Variants in CALCR observed in about 807,000 individuals in gnomAD.
CALCR encodes the protein calcitonin receptor.
In CALCR, 47 loss-of-function variants were observed where a neutral mutation model predicts 59.5. That is an observed-to-expected ratio of 0.79 (90% CI 0.63 to 1.01). The LOEUF (loss-of-function observed/expected upper bound fraction) is 1.01. Ranked by LOEUF, CALCR falls within the 50% of genes least tolerant of loss-of-function variation. The pLI is 0.00. For synonymous variants in CALCR, 213 were observed against 211.3 expected (o/e 1.01, Z -0.07); for missense variants, 566 against 597.1 (o/e 0.95, Z 0.54).
chr7:93,435,594 G>A (rs550650105), intron 12 of CALCR, among the ~76,000 whole-genome samples: 21 of 152,132 alleles, frequency 1.4e-4, no homozygotes, highest in Admixed American at 9.8e-4. Flanking sequence ...GAATACCTGA[G>A]GTCAGGAGTT....
intron 2 of CALCR, among the ~76,000 whole-genome samples, chr7:93,571,324 A>C (rs1275962371): frequency 6.6e-6 from 1 of 152,160 alleles, no homozygotes; most frequent in Non-Finnish European, 1.5e-5. Context: ...GATATGACTT[A>C]TTTGTCTATG....
intron 2 of CALCR, among the ~76,000 whole-genome samples, chr7:93,528,908 G>T (rs1160827306): frequency 6.6e-6 from 1 of 152,112 alleles, no homozygotes; most frequent in Non-Finnish European, 1.5e-5. Flanking sequence ...TGTGAGAAAA[G>T]AATTTGGCTT....
chr7:93,429,914 GT>G lies in CALCR; in HGVS notation c.1192-3326del, dbSNP rs1265452842. Among the ~76,000 whole-genome samples the G allele has an allele frequency of 1.5e-3, 141 of 91,822 alleles. 2 individuals carry two copies. In the East Asian group the frequency reaches 0.052, roughly 34 times the overall value. 60.2% of individuals were successfully genotyped at this position (91,822 alleles called of 152,430 possible). On this transcript the variant is annotated intron_variant, in intron 13 of 13. Coordinates refer to ENST00000426151, the MANE Select transcript of CALCR (RefSeq NM_001742.4). ...AAAAAGTAATTGCACACTTTAGACG[GT>G]TTTTTTTTTTGTTTGTTTGTTTTTT...
At chr7:93,527,604 C>T (rs904729098) in intron 2 of CALCR, among the ~76,000 whole-genome samples, 20 of 152,084 alleles carry the variant, frequency 1.3e-4, no homozygotes, top group African/African-American at 4.8e-4. Context: ...GAGTTAGCAG[C>T]CATTTTAGCA....
chr7:93,433,267 A>G (rs1479435891), intron 13 of CALCR, among the ~76,000 whole-genome samples: 1 of 152,218 alleles, frequency 6.6e-6, no homozygotes, highest in Non-Finnish European at 1.5e-5. Context: ...ACTAATAGGA[A>G]AGTAATATAT....
chr7:93,546,554 C>A (rs559307903), intron 2 of CALCR, among the ~76,000 whole-genome samples: 365 of 151,392 alleles, frequency 2.4e-3, no homozygotes, highest in African/African-American at 8.6e-3. Flanking sequence ...GAGTGAGTGA[C>A]TTTTTGTTTT....
At chr7:93,570,011 C>A (rs951288851) in intron 2 of CALCR, among the ~76,000 whole-genome samples, 2 of 151,640 alleles carry the variant, frequency 1.3e-5, no homozygotes, top group Non-Finnish European at 2.9e-5. Flanking sequence ...GGTTGACATG[C>A]AAGGGCACAG....
chr7:93,460,774 C>A, intron 8 of CALCR, 47 bp downstream of exon 8: 1 of 1,449,572 alleles, frequency 6.9e-7, no homozygotes, highest in East Asian at 2.4e-5. Context: ...TTTACAGGTA[C>A]TATATCCTTT....
chr7:93,479,776 G>T (rs1414621371), intron 3 of CALCR, among the ~76,000 whole-genome samples: 9 of 151,634 alleles, frequency 5.9e-5, no homozygotes, highest in Non-Finnish European at 2.9e-5. Context: ...CTCTTTATCA[G>T]CTAGGATTGT....
chr7:93,440,212 T>C (rs1355287300), intron 9 of CALCR, among the ~76,000 whole-genome samples: 1 of 152,116 alleles, frequency 6.6e-6, no homozygotes, highest in Non-Finnish European at 1.5e-5. Flanking sequence ...AGTATGTAGG[T>C]TTTGCTTCTT....
chr7:93,464,718 A>G (rs1401120110), intron 7 of CALCR, among the ~76,000 whole-genome samples: 1 of 152,068 alleles, frequency 6.6e-6, no homozygotes, highest in East Asian at 1.9e-4. Flanking sequence ...TATGATCAAC[A>G]GTTATCTTTG....
chr7:93,537,118 A>G, intron 2 of CALCR, among the ~76,000 whole-genome samples: 1 of 151,830 alleles, frequency 6.6e-6, no homozygotes, highest in Non-Finnish European at 1.5e-5. Context: ...CAAAAAGAAA[A>G]AAAAACCAAT....
chr7:93,499,595 G>C (rs569342483), intron 2 of CALCR, among the ~76,000 whole-genome samples: 1 of 151,806 alleles, frequency 6.6e-6, no homozygotes, highest in Non-Finnish European at 1.5e-5. Context: ...AAATGTTGCA[G>C]ACTTATCAGC....
intron 5 of CALCR, among the ~76,000 whole-genome samples, chr7:93,473,429 C>G (rs764570237): frequency 1.3e-5 from 2 of 151,726 alleles, no homozygotes; most frequent in Non-Finnish European, 2.9e-5. Context: ...AATTAAGCCT[C>G]TTATTTCTGT....
intron 8 of CALCR, among the ~76,000 whole-genome samples, chr7:93,459,176 G>A (rs2115797087): frequency 6.6e-6 from 1 of 152,252 alleles, no homozygotes; most frequent in Middle Eastern, 3.4e-3. Flanking sequence ...GCACCAAAGT[G>A]ATTTGATTTT....
intron 3 of CALCR, among the ~76,000 whole-genome samples, chr7:93,483,560 AT>A (rs1291012900): frequency 6.6e-6 from 1 of 150,986 alleles, no homozygotes; most frequent in Non-Finnish European, 1.5e-5. Context: ...CTGCTTAAAA[AT>A]AACACATATA....
rs1800489591 is a variant in CALCR at position 93,468,714 on chromosome 7, C to T, written c.521+1G>A. The stretch of plus-strand genomic sequence containing the variant: ...AGAGCAGATGCTGTGAGTGTACTTA[C>T]CTGAAAAACACGAAAATCCCCAGGG... On this transcript the variant is annotated splice_donor_variant, in intron 7 of 13. Coordinates refer to ENST00000426151, the MANE Select transcript of CALCR (RefSeq NM_001742.4). LOFTEE classifies it high-confidence loss of function. 1 of 1,600,494 alleles carries T rather than the reference C, an allele frequency of 6.2e-7. No homozygotes were observed. Among genetic ancestry groups the T allele is most frequent in the Non-Finnish European group, 8.6e-7 (1 of 1,169,206 alleles).
At chr7:93,513,464 C>T (rs1801590790) in intron 2 of CALCR, among the ~76,000 whole-genome samples, 1 of 151,952 alleles carries the variant, frequency 6.6e-6, no homozygotes, top group Non-Finnish European at 1.5e-5. Context: ...TTTATATTTC[C>T]ATTTATTTGA....
intron 2 of CALCR, among the ~76,000 whole-genome samples, chr7:93,519,937 A>C (rs2116082905): frequency 6.6e-6 from 1 of 151,966 alleles, no homozygotes; most frequent in Admixed American, 6.6e-5. Flanking sequence ...AGTCAATTAA[A>C]CCTCTTTCCT....
Sources: gnomAD v4.1 joint callset for allele counts (sites outside exome capture counted in the v4.1 genomes callset) on GRCh38, gnomAD v4.1.1 for gene constraint, MANE v1.5 for transcripts, NCBI Gene and HGNC (gene_info 2026-07-23, HGNC 2026-07-21) for gene names.